The following PTPRB variants were observed in gnomAD, a reference collection of about 807,000 sequenced individuals.
PTPRB encodes receptor-type tyrosine-protein phosphatase beta.
In PTPRB, 97 loss-of-function variants were observed where a neutral mutation model predicts 238.1. The ratio of observed to expected loss-of-function variants is 0.41; its 90% CI spans 0.35 to 0.48. The LOEUF (loss-of-function observed/expected upper bound fraction) is 0.48, where lower values mean the gene tolerates loss of function less well. PTPRB is among the 20% of genes least tolerant of loss of function. The probability of loss-of-function intolerance (pLI) is 0.30; values close to 1 mark genes in which losing one functional copy is unlikely to be tolerated. For synonymous variants in PTPRB, 970 were observed against 995.4 expected, an observed-to-expected ratio of 0.97 and a Z score of 0.48; for missense variants, 2,292 against 2,681.9, an observed-to-expected ratio of 0.85 and a Z score of 3.21.
chr12:70,603,800 A>T (rs1310601854), intron 4 of PTPRB, among the ~76,000 whole-genome samples: 1 of 152,184 alleles, frequency 6.6e-6, no homozygotes, highest in Non-Finnish European at 1.5e-5. Context: ...GTGTTAAATA[A>T]CTTGCCCAAA....
chr12:70,609,724 G>T (rs1349329455), intron 3 of PTPRB: 4 of 1,528,742 alleles, frequency 2.6e-6, no homozygotes, highest in Non-Finnish European at 3.5e-6. Flanking sequence ...GGCGGGGAGG[G>T]GGCGCATCAG....
chr12:70,607,548 C>CT (rs546758555), intron 4 of PTPRB, among the ~76,000 whole-genome samples: 11,730 of 137,036 alleles, frequency 0.086, 654 homozygotes, highest in Non-Finnish European at 0.13. Flanking sequence ...TTTTCCTTTT[C>CT]TTTTTTTTTT....
chr12:70,595,727 A>C (rs998768984), intron 5 of PTPRB, among the ~76,000 whole-genome samples: 1 of 152,218 alleles, frequency 6.6e-6, no homozygotes, highest in African/African-American at 2.4e-5. Context: ...ACAAACTTAG[A>C]AAATGGGGCA....
At chr12:70,605,958 G>C (rs1883909606) in intron 4 of PTPRB, among the ~76,000 whole-genome samples, 1 of 152,104 alleles carries the variant, frequency 6.6e-6, no homozygotes, top group African/African-American at 2.4e-5. Context: ...TATGTTCATT[G>C]TCTGATTTCT....
intron 32 of PTPRB, among the ~76,000 whole-genome samples, chr12:70,524,835 A>C (rs1042006909): frequency 3.4e-4 from 49 of 144,880 alleles, no homozygotes; most frequent in African/African-American, 1.3e-3. Context: ...GTGTGTGCAT[A>C]TATGTGTGTA....
rs1304562002 is a variant in PTPRB, at chr12:70,518,047, T to C, written c.*3442A>G. On this transcript the variant is annotated 3_prime_UTR_variant, in exon 34 of 34. Coordinates refer to ENST00000334414, the MANE Select transcript of PTPRB (RefSeq NM_001109754.4). ...ATTATTTTCACATGTCATTTTGGGC[T>C]TTCTTCCGAGAGGTGATTACAAAAT... The C allele has an allele frequency of 1.3e-5, 2 of 152,184 alleles. No homozygotes were observed. Among genetic ancestry groups the C allele is most frequent in the African/African-American group, 4.8e-5 (2 of 41,448 alleles). 9.4% of individuals were successfully genotyped at this position (152,184 alleles called of 1,614,324 possible).
intron 21 of PTPRB, among the ~76,000 whole-genome samples, chr12:70,550,672 T>G (rs13377758): frequency 6.6e-6 from 1 of 152,176 alleles, no homozygotes; most frequent in Non-Finnish European, 1.5e-5. Flanking sequence ...CTATGGGTGC[T>G]GGGAGATTGG....
intron 33 of PTPRB, among the ~76,000 whole-genome samples, chr12:70,521,775 G>T (rs1871682962): frequency 6.6e-6 from 1 of 152,166 alleles, no homozygotes; most frequent in Non-Finnish European, 1.5e-5. Context: ...CTTACTCAGG[G>T]TTACACAGCT....
At chr12:70,546,702 C>T (rs1876020336) in intron 21 of PTPRB, among the ~76,000 whole-genome samples, 1 of 152,160 alleles carries the variant, frequency 6.6e-6, no homozygotes, top group East Asian at 1.9e-4. Context: ...AAGCTGTTTT[C>T]TAACATTAGA....
At chr12:70,630,574 T>G (rs1885405792) in intron 2 of PTPRB, among the ~76,000 whole-genome samples, 1 of 152,118 alleles carries the variant, frequency 6.6e-6, no homozygotes, top group Non-Finnish European at 1.5e-5. Flanking sequence ...GCCAGGGCAA[T>G]CAGGCAAGAG....
At position 70,578,083 on chromosome 12, in the gene PTPRB, C is replaced by G. The variant is rs11178305; in HGVS notation, c.2579-1438G>C. 3.3e-5 allele frequency among the ~76,000 whole-genome samples: 5 copies of G among 152,228 alleles called. No homozygotes were observed. The East Asian group carries it at 9.6e-4, about 29-fold the overall frequency. On this transcript the variant is annotated intron_variant, in intron 10 of 33. Transcript: ENST00000334414. ...CAAAAGTTTTCACAGAAATATGATT[C>G]ACATGTTTAAGAAAAAATAGATACA...
At chr12:70,540,681 G>C (rs1329701199) in intron 23 of PTPRB, 177 bp downstream of exon 23, 1 of 589,630 alleles carries the variant, frequency 1.7e-6, no homozygotes, top group South Asian at 2.1e-5. Context: ...GGATATAAAA[G>C]AGCTGAGAAA....
At chr12:70,607,625 C>T (rs996090414) in intron 4 of PTPRB, among the ~76,000 whole-genome samples, 3 of 151,026 alleles carry the variant, frequency 2.0e-5, no homozygotes, top group Non-Finnish European at 4.4e-5. Context: ...GGCTTCTCTG[C>T]CTCCTGGGCT....
At chr12:70,627,519 ATT>A (rs1231797306) in intron 2 of PTPRB, among the ~76,000 whole-genome samples, 1 of 152,124 alleles carries the variant, frequency 6.6e-6, no homozygotes, top group Non-Finnish European at 1.5e-5. Context: ...AAAATCTATT[ATT>A]TTACTTTTCT....
chr12:70,553,316 C>T (rs1877182859), intron 20 of PTPRB, among the ~76,000 whole-genome samples: 1 of 152,176 alleles, frequency 6.6e-6, no homozygotes, highest in African/African-American at 2.4e-5. Flanking sequence ...TGTCTCACAA[C>T]TCCAGAGTGT....
At position 70,560,100 on chromosome 12, in the gene PTPRB, G is replaced by A. The variant is rs1878290725; in HGVS notation, c.4433-476C>T. On this transcript the variant is annotated intron_variant, in intron 17 of 33. Transcript: ENST00000334414. The surrounding 1 kb of genome is among the most constrained non-coding windows in gnomAD (Gnocchi z 4.2). ...GATCCACCCACCTCGGCCTCCCAAA[G>A]TACTGGGATTATAGGCATGAGCCAC... is the stretch of plus-strand genomic sequence containing the variant. Among the ~76,000 whole-genome samples, 1 of 152,062 alleles carries A rather than the reference G, an allele frequency of 6.6e-6. No individual in the cohort carries two copies. Among genetic ancestry groups the A allele is most frequent in the South Asian group, 2.1e-4 (1 of 4,824 alleles).
intron 29 of PTPRB, 44 bp downstream of exon 29, chr12:70,535,981 T>C (rs771793754): frequency 1.2e-6 from 2 of 1,606,552 alleles, no homozygotes; most frequent in East Asian, 4.5e-5. Flanking sequence ...TCTATCCAGG[T>C]GGCAGAAAGC....
chr12:70,580,887 T>A, intron 10 of PTPRB, 149 bp downstream of exon 10: 2 of 808,060 alleles, frequency 2.5e-6, no homozygotes, highest in Admixed American at 3.1e-5. Context: ...CCATTCCATA[T>A]ACCTTCTGGA....
At chr12:70,597,240 T>C (rs73328124) in intron 4 of PTPRB, among the ~76,000 whole-genome samples, 1,981 of 152,266 alleles carry the variant, frequency 0.013, 46 homozygotes, top group African/African-American at 0.045. Flanking sequence ...CCCTAGGTTT[T>C]TAAAATCTCA....
Sources: gnomAD v4.1 joint callset for allele counts (sites outside exome capture counted in the v4.1 genomes callset) on GRCh38, gnomAD v4.1.1 for gene constraint, Gnocchi (gnomAD v3.1) non-coding constraint, MANE v1.5 for transcripts, NCBI Gene and HGNC (gene_info 2026-07-23, HGNC 2026-07-21) for gene names.